The following CFAP97D2 variants were observed in gnomAD, a reference collection of about 807,000 sequenced individuals.
CFAP97D2 encodes the protein CFAP97 domain containing 2.
chr13:114,179,516 A>C lies in CFAP97D2; in HGVS notation c.90+96A>C. The C allele has an allele frequency of 2.5e-6, 1 of 396,726 alleles. No homozygotes were observed. The highest frequency in any genetic ancestry group is 4.4e-6 in the Non-Finnish European group (1 of 225,246). The allele number at this position is 396,726 out of a possible 1,614,324, so 24.6% of individuals were successfully genotyped here. A position where few individuals can be genotyped will look rare whatever the true frequency, so the allele number is the denominator to read the frequency against. ...TGCTTTCCCTGGAGTCCTGGAGGTGATTTTCTTTTTGGAGACAGCATGGTT... is the reference window on the plus strand; with the variant it reads ...TGCTTTCCCTGGAGTCCTGGAGGTGCTTTTCTTTTTGGAGACAGCATGGTT... On this transcript the variant is annotated intron_variant, in intron 1 of 4. Transcript: ENST00000646158. The surrounding 1 kb of genome is among the most constrained non-coding windows in gnomAD (Gnocchi z 4.8).
chr13:114,181,916 G>T (rs540208564), intron 1 of CFAP97D2, among the ~76,000 whole-genome samples: 20 of 152,250 alleles, frequency 1.3e-4, no homozygotes, highest in African/African-American at 4.3e-4. Context: ...ATGCCTGAAG[G>T]GGTGGCCTGC....
chr13:114,206,077 CA>C (rs1566615107), intron 3 of CFAP97D2, among the ~76,000 whole-genome samples: 3 of 151,542 alleles, frequency 2.0e-5, no homozygotes, highest in Non-Finnish European at 4.4e-5. Context: ...AGACATTTGC[CA>C]AATTACAGTA....
At chr13:114,210,980 A>G (rs1404236911) in intron 3 of CFAP97D2, among the ~76,000 whole-genome samples, 1 of 152,160 alleles carries the variant, frequency 6.6e-6, no homozygotes, top group Non-Finnish European at 1.5e-5. Context: ...CACCAATGAA[A>G]TGAAATATGC....
intron 3 of CFAP97D2, among the ~76,000 whole-genome samples, chr13:114,202,462 C>T (rs2080922507): frequency 6.6e-6 from 1 of 152,102 alleles, no homozygotes. Context: ...TAAGAAGAAA[C>T]ATATATTCAA....
rs545927241 is a variant in CFAP97D2 at position 114,186,727 on chromosome 13, C to G, written c.90+7307C>G. On this transcript the variant is annotated intron_variant, in intron 1 of 4. Transcript: ENST00000646158. The surrounding 1 kb of genome is among the most constrained non-coding windows in gnomAD (Gnocchi z 4.3). ...TCTTGCAGTATGCCTGGTCCAGGCA[C>G]AGCCTCGCAGTGAGCCAGCACCCAT... Among the ~76,000 whole-genome samples the G allele has an allele frequency of 1.3e-5, 2 of 152,366 alleles. No homozygotes were observed. The highest frequency in any genetic ancestry group is 4.1e-4 in the South Asian group (2 of 4,826).
intron 3 of CFAP97D2, among the ~76,000 whole-genome samples, chr13:114,209,348 G>A (rs1298101252): frequency 6.6e-6 from 1 of 152,176 alleles, no homozygotes; most frequent in East Asian, 1.9e-4. Context: ...ACACGAGTAG[G>A]TGGTCTCATA....
chr13:114,188,115 CAA>C (rs35798712), intron 1 of CFAP97D2, among the ~76,000 whole-genome samples: 3 of 136,622 alleles, frequency 2.2e-5, no homozygotes, highest in East Asian at 2.1e-4. Context: ...ACCATCTCCA[CAA>C]AAAAAAAAAA....
In CFAP97D2 at chr13:114,186,229, G is replaced by C. The variant is rs117483063; in HGVS notation, c.90+6809G>C. 1.3e-3 allele frequency among the ~76,000 whole-genome samples: 197 copies of C among 152,126 alleles called. 1 individual carries two copies. Among genetic ancestry groups the C allele is most frequent in the African/African-American group, 4.6e-3 (191 of 41,496 alleles). ...ACAGAGGGGAGCTGCACACCCCAAG[G>C]TCTCCTCTCTGCTGAGAGCTGAGAC... On this transcript the variant is annotated intron_variant, in intron 1 of 4. Transcript: ENST00000646158. The surrounding 1 kb of genome is among the most constrained non-coding windows in gnomAD (Gnocchi z 4.3).
chr13:114,185,001 G>A lies in CFAP97D2; in HGVS notation c.90+5581G>A, dbSNP rs890233698. Among the ~76,000 whole-genome samples the A allele has an allele frequency of 3.3e-5, 5 of 152,186 alleles. No homozygotes were observed. The highest frequency in any genetic ancestry group is 7.4e-5 in the Non-Finnish European group (5 of 68,022). ...ATAAGCAGCCACTGTCATCATGTCA[G>A]TTGCAGTGGGTGGGGGGTGGTGCAT... is the stretch of plus-strand genomic sequence containing the variant. On this transcript the variant is annotated intron_variant, in intron 1 of 4. Transcript: ENST00000646158. The surrounding 1 kb of genome is among the most constrained non-coding windows in gnomAD (Gnocchi z 5.2).
At chr13:114,191,559 C>A (rs186540453) in intron 1 of CFAP97D2, among the ~76,000 whole-genome samples, 1 of 152,140 alleles carries the variant, frequency 6.6e-6, no homozygotes, top group African/African-American at 2.4e-5. Flanking sequence ...CAAATTAAAA[C>A]AATAATGGCC....
chr13:114,192,076 G>T (rs1172261410), intron 1 of CFAP97D2, among the ~76,000 whole-genome samples: 1 of 149,420 alleles, frequency 6.7e-6, no homozygotes, highest in Non-Finnish European at 1.5e-5. Flanking sequence ...GGGTGGGTGG[G>T]GGGAGGAAGG....
At chr13:114,181,786 C>T (rs1204864043) in intron 1 of CFAP97D2, among the ~76,000 whole-genome samples, 1 of 152,130 alleles carries the variant, frequency 6.6e-6, no homozygotes, top group Non-Finnish European at 1.5e-5. Context: ...ATCCCAGTCC[C>T]CTGATGACTG....
intron 3 of CFAP97D2, among the ~76,000 whole-genome samples, chr13:114,205,628 G>A (rs1311917368): frequency 6.6e-6 from 1 of 152,204 alleles, no homozygotes; most frequent in East Asian, 1.9e-4. Context: ...TTTGGGAAGA[G>A]CTGGGAGTGG....
intron 4 of CFAP97D2, among the ~76,000 whole-genome samples, chr13:114,217,278 G>C (rs1338028837): frequency 6.6e-6 from 1 of 152,162 alleles, no homozygotes; most frequent in Non-Finnish European, 1.5e-5. Flanking sequence ...AGAAAATCTA[G>C]AAGAAATGGA....
intron 4 of CFAP97D2, among the ~76,000 whole-genome samples, chr13:114,216,332 G>A (rs9314903): frequency 0.058 from 8,828 of 152,128 alleles, 815 homozygotes; most frequent in African/African-American, 0.2. Flanking sequence ...GGGTACATGT[G>A]TACAATGTGC....
chr13:114,220,388 C>G (rs1323479969), intron 4 of CFAP97D2, among the ~76,000 whole-genome samples: 1 of 152,216 alleles, frequency 6.6e-6, no homozygotes, highest in Non-Finnish European at 1.5e-5. Flanking sequence ...AAAGCTTCAC[C>G]TGACGGAGGC....
At position 114,221,304 on chromosome 13, in the gene CFAP97D2, A is replaced by T. The variant is rs371884026; in HGVS notation, c.481-1194A>T. Among the ~76,000 whole-genome samples the T allele has an allele frequency of 4.6e-5, 7 of 152,238 alleles. No individual in the cohort carries two copies. In the East Asian group the frequency reaches 1.3e-3, roughly 29 times the overall value. On this transcript the variant is annotated intron_variant, in intron 4 of 4. Coordinates refer to ENST00000646158, the Ensembl canonical transcript of CFAP97D2. ...ACTTACTTGGCAAAAGATAAATTTG[A>T]GTTTCTTTCCTTTTTCCTCCTGAAG...
At position 114,211,979 on chromosome 13, in the gene CFAP97D2, G is replaced by T; in HGVS notation, c.358G>T (p.Glu120Ter). Residue 120 changes from glutamate (E) to a stop codon, truncating the protein, a stop_gained, in exon 4 of 5, where the codon GAA becomes TAA. Transcript: ENST00000646158. LOFTEE classifies it high-confidence loss of function. The surrounding 1 kb of genome is among the most constrained non-coding windows in gnomAD (Gnocchi z 4.2). ...GAAGAAAACACGGCCATTCTGGAAG[G>T]AATCACACACTCAGAACCATGGTAT... is the stretch of plus-strand genomic sequence containing the variant. 2.5e-6 allele frequency: 1 copy of T among 398,792 alleles called. No homozygotes were observed. Among genetic ancestry groups the T allele is most frequent in the Non-Finnish European group, 4.4e-6 (1 of 226,178 alleles). The allele number at this position is 398,792 out of a possible 1,614,324, so 24.7% of individuals were successfully genotyped here.
intron 1 of CFAP97D2, among the ~76,000 whole-genome samples, chr13:114,192,253 A>G (rs948655915): frequency 6.6e-6 from 1 of 152,194 alleles, no homozygotes; most frequent in African/African-American, 2.4e-5. Context: ...GTGTCAATGT[A>G]GGTTCATCGA....
Sources: gnomAD v4.1 joint callset for allele counts (sites outside exome capture counted in the v4.1 genomes callset) on GRCh38, gnomAD v4.1.1 for gene constraint, Gnocchi (gnomAD v3.1) non-coding constraint, MANE v1.5 for transcripts, NCBI Gene and HGNC (gene_info 2026-07-23, HGNC 2026-07-21) for gene names.